SH3D19: variants seen among roughly 807,000 people sequenced by gnomAD.
SH3D19 encodes the protein SH3 domain containing 19.
A neutral mutation model predicts 112.1 loss-of-function variants in SH3D19; 58 were observed. The ratio of observed to expected loss-of-function variants is 0.52; its 90% CI spans 0.42 to 0.64. The LOEUF (loss-of-function observed/expected upper bound fraction) is 0.64, where lower values mean the gene tolerates loss of function less well. Ranked by LOEUF, SH3D19 falls within the 30% of genes least tolerant of loss-of-function variation. SH3D19 has a pLI of 0.00. For synonymous variants in SH3D19, 391 were observed against 448.5 expected (o/e 0.87, Z 1.62); for missense variants, 1,090 against 1,263.4 (o/e 0.86, Z 2.08).
chr4:151,252,527 G>A (rs1326400755), intron 1 of SH3D19, among the ~76,000 whole-genome samples: 1 of 152,008 alleles, frequency 6.6e-6, no homozygotes, highest in Non-Finnish European at 1.5e-5. Context: ...TGAAACTTAG[G>A]TGGGCTCAAT....
chr4:151,255,310 C>T (rs1490517985), intron 1 of SH3D19, among the ~76,000 whole-genome samples: 3 of 139,266 alleles, frequency 2.2e-5, no homozygotes, highest in South Asian at 2.4e-4. Flanking sequence ...ACTTCTCAGA[C>T]GGGGCGGCCG....
Position 151,325,253 on chromosome 4 carries a change from G to C in SH3D19, c.100C>G (p.His34Asp). ...CCGCGCCTCTCACCTGCGGCCGAGTGGCCCGAGAGCGCACGGCCCCGGGCG... is the reference window on the plus strand; with the variant it reads ...CCGCGCCTCTCACCTGCGGCCGAGTCGCCCGAGAGCGCACGGCCCCGGGCG... ...RRARGRALSG[H>D]SAADRNERNK... The change falls in exon 1 of 20, where the codon CAC becomes GAC. Residue 34 changes from histidine (H) to aspartate (D), a missense_variant. Transcript: ENST00000604030. 8.2e-7 allele frequency: 1 copy of C among 1,221,562 alleles called. No individual in the cohort carries two copies. The highest frequency in any genetic ancestry group is 1.0e-6 in the Non-Finnish European group (1 of 981,208). The allele number at this position is 1,221,562 out of a possible 1,614,324, so 75.7% of individuals were successfully genotyped here. A position where few individuals can be genotyped will look rare whatever the true frequency, so the allele number is the denominator to read the frequency against.
intron 1 of SH3D19, among the ~76,000 whole-genome samples, chr4:151,247,404 CTTT>C (rs937703652): frequency 6.6e-6 from 1 of 152,156 alleles, no homozygotes; most frequent in Non-Finnish European, 1.5e-5. Flanking sequence ...ATGACAACTT[CTTT>C]GTTTCATCAA....
intron 1 of SH3D19, among the ~76,000 whole-genome samples, chr4:151,295,253 A>G (rs1378925767): frequency 6.6e-6 from 1 of 152,252 alleles, no homozygotes; most frequent in Non-Finnish European, 1.5e-5. Context: ...GGGAATATGC[A>G]GAGGCCAGGA....
chr4:151,236,132 G>A (rs1181195376), intron 1 of SH3D19, among the ~76,000 whole-genome samples: 7 of 152,262 alleles, frequency 4.6e-5, no homozygotes, highest in Non-Finnish European at 8.8e-5. Flanking sequence ...CGGCCTCGGC[G>A]TCCGCTCTGG....
chr4:151,295,733 A>G (rs1775659298), intron 1 of SH3D19, among the ~76,000 whole-genome samples: 1 of 152,222 alleles, frequency 6.6e-6, no homozygotes, highest in African/African-American at 2.4e-5. Context: ...ACACATTAAA[A>G]GAACCCTAGA....
At chr4:151,166,829 T>C (rs2149809678) in intron 7 of SH3D19, among the ~76,000 whole-genome samples, 1 of 152,310 alleles carries the variant, frequency 6.6e-6, no homozygotes, top group Non-Finnish European at 1.5e-5. Flanking sequence ...AAAAGCCCTT[T>C]TGGCAATCTG....
intron 1 of SH3D19, among the ~76,000 whole-genome samples, chr4:151,236,913 T>C (rs2149962666): frequency 6.6e-6 from 1 of 152,264 alleles, no homozygotes. Context: ...CAATCAGCTC[T>C]CTGTAAAATG....
chr4:151,313,407 T>TTATG (rs552206207), intron 1 of SH3D19, among the ~76,000 whole-genome samples: 2,407 of 150,204 alleles, frequency 0.016, 34 homozygotes, highest in Non-Finnish European at 0.026. Context: ...TTTTATGTAT[T>TTATG]TATTTATTTA....
intron 1 of SH3D19, among the ~76,000 whole-genome samples, chr4:151,258,464 G>T (rs1404603421): frequency 6.6e-6 from 1 of 152,332 alleles, no homozygotes; most frequent in African/African-American, 2.4e-5. Flanking sequence ...CACCAGGGCA[G>T]GTCCCTGAGA....
chr4:151,166,318 C>T (rs1188836965), intron 7 of SH3D19: 1 of 152,154 alleles, frequency 6.6e-6, no homozygotes, highest in African/African-American at 2.4e-5. Flanking sequence ...CCATCTTAAC[C>T]GATTTATTAA....
At chr4:151,244,430 G>T (rs1441641576) in intron 1 of SH3D19, among the ~76,000 whole-genome samples, 1 of 152,204 alleles carries the variant, frequency 6.6e-6, no homozygotes, top group Non-Finnish European at 1.5e-5. Flanking sequence ...GTCGGGAAAG[G>T]AAGATTCTAA....
At chr4:151,288,933 C>CT (rs990525216) in intron 1 of SH3D19, among the ~76,000 whole-genome samples, 1 of 152,006 alleles carries the variant, frequency 6.6e-6, no homozygotes, top group African/African-American at 2.4e-5. Context: ...TCAAGGGGCC[C>CT]AAAACAATCT....
chr4:151,264,873 C>T (rs761428050), intron 1 of SH3D19, among the ~76,000 whole-genome samples: 7 of 151,676 alleles, frequency 4.6e-5, no homozygotes, highest in Non-Finnish European at 4.4e-5. Context: ...TCATAGGATG[C>T]GGATTAAAAT....
At chr4:151,180,470 G>A (rs368517852) in intron 3 of SH3D19, among the ~76,000 whole-genome samples, 6 of 135,664 alleles carry the variant, frequency 4.4e-5, no homozygotes, top group Middle Eastern at 4.9e-3. Flanking sequence ...GCAGTGGCGC[G>A]ATCTTGGCTC....
chr4:151,270,592 T>C (rs968135784), intron 1 of SH3D19, among the ~76,000 whole-genome samples: 2 of 150,378 alleles, frequency 1.3e-5, no homozygotes, highest in African/African-American at 2.4e-5. Flanking sequence ...TGTAATTGTA[T>C]ATGTTATGCT....
chr4:151,325,116 T>C (rs1222960149), intron 1 of SH3D19, 125 bp downstream of exon 1: 2 of 443,086 alleles, frequency 4.5e-6, no homozygotes, highest in Non-Finnish European at 7.2e-6. Flanking sequence ...GTCTGGCCTC[T>C]GAGAGTTAAA....
chr4:151,243,038 A>T (rs1294032495), intron 1 of SH3D19, among the ~76,000 whole-genome samples: 1 of 152,190 alleles, frequency 6.6e-6, no homozygotes, highest in African/African-American at 2.4e-5. Context: ...TAATTCTATG[A>T]GGTAATTAAT....
At chr4:151,270,240 G>A (rs538319892) in intron 1 of SH3D19, among the ~76,000 whole-genome samples, 1 of 152,282 alleles carries the variant, frequency 6.6e-6, no homozygotes, top group South Asian at 2.1e-4. Context: ...TGTTGGAGGT[G>A]GGGCCTGGTG....
Sources: allele counts gnomAD v4.1 joint callset (sites outside exome capture counted in the v4.1 genomes callset), GRCh38; gene constraint gnomAD v4.1.1; transcripts MANE v1.5; gene names NCBI Gene and HGNC (gene_info 2026-07-23, HGNC 2026-07-21).